Variants in RABGAP1L observed in about 807,000 individuals in gnomAD.
RABGAP1L encodes the protein rab GTPase-activating protein 1-like.
In RABGAP1L, 63 loss-of-function variants were observed where a neutral mutation model predicts 137.7. The ratio of observed to expected loss-of-function variants is 0.46; its 90% CI spans 0.37 to 0.56. The LOEUF (loss-of-function observed/expected upper bound fraction) is 0.56. Among genes scored for constraint, RABGAP1L ranks in the 20% least tolerant of loss-of-function variants. The pLI, the probability that RABGAP1L is intolerant of heterozygous loss-of-function variation, is 0.00. For missense variants in RABGAP1L, 1,095 were observed against 1,244.0 expected (o/e 0.88, Z 1.80); for synonymous variants, 431 against 433.7 (o/e 0.99, Z 0.08).
At chr1:174,808,070 G>A (rs573469683) in intron 18 of RABGAP1L, among the ~76,000 whole-genome samples, 30 of 147,502 alleles carry the variant, frequency 2.0e-4, no homozygotes, top group African/African-American at 7.3e-4. Context: ...TGCAAGCTCC[G>A]CCTCCTGGGT....
chr1:174,500,321 C>T (rs1661143617), intron 13 of RABGAP1L, among the ~76,000 whole-genome samples: 1 of 152,132 alleles, frequency 6.6e-6, no homozygotes, highest in Admixed American at 6.6e-5. Context: ...CTCAGGTAAT[C>T]CACCCTTCTC....
rs1376515212 is a variant in RABGAP1L at position 174,383,145 on chromosome 1, G to T, written c.1560-10850G>T. 3.3e-5 allele frequency among the ~76,000 whole-genome samples: 5 copies of T among 149,920 alleles called. No individual in the cohort carries two copies. The South Asian group carries it at 6.4e-4, about 19-fold the overall frequency. The stretch of plus-strand genomic sequence containing the variant: ...ACCCACTTGAGGAGGCAGTCTGCCC[G>T]TTCTCAGATCTCCAGCTGCGTGCTG... On this transcript the variant is annotated intron_variant, in intron 12 of 25. Coordinates refer to ENST00000681986, the MANE Select transcript of RABGAP1L (RefSeq NM_001366446.1).
intron 12 of RABGAP1L, among the ~76,000 whole-genome samples, chr1:174,378,693 G>A (rs969921267): frequency 1.3e-5 from 2 of 151,906 alleles, no homozygotes; most frequent in African/African-American, 4.8e-5. Context: ...TCAGTCCTTT[G>A]TCAGATGAGT....
intron 19 of RABGAP1L, among the ~76,000 whole-genome samples, chr1:174,881,916 C>A (rs1416067828): frequency 1.3e-5 from 2 of 152,122 alleles, no homozygotes; most frequent in Non-Finnish European, 2.9e-5. Flanking sequence ...GGCTGGAGTG[C>A]AATGGCATGA....
At chr1:174,596,685 T>C (rs977436268) in intron 13 of RABGAP1L, among the ~76,000 whole-genome samples, 5 of 152,212 alleles carry the variant, frequency 3.3e-5, no homozygotes, top group African/African-American at 1.2e-4. Flanking sequence ...ACTTCTTCCA[T>C]TTCAGTTTGG....
intron 13 of RABGAP1L, among the ~76,000 whole-genome samples, chr1:174,605,885 G>A (rs1670755988): frequency 6.6e-6 from 1 of 152,090 alleles, no homozygotes; most frequent in African/African-American, 2.4e-5. Context: ...TTATTTGGGG[G>A]CATTGTCCTC....
intron 13 of RABGAP1L, among the ~76,000 whole-genome samples, chr1:174,574,017 G>A (rs1310286189): frequency 1.3e-5 from 2 of 152,224 alleles, no homozygotes; most frequent in African/African-American, 4.8e-5. Flanking sequence ...CCAGCCTTCA[G>A]TAGTTGAGAA....
intron 11 of RABGAP1L, among the ~76,000 whole-genome samples, chr1:174,362,033 T>C (rs553777974): frequency 1.2e-3 from 183 of 152,340 alleles, no homozygotes; most frequent in African/African-American, 4.2e-3. Context: ...GAACATGCAC[T>C]ATTCAGTTTT....
chr1:174,886,012 A>ATTTT (rs530537282), intron 19 of RABGAP1L, among the ~76,000 whole-genome samples: 1 of 135,896 alleles, frequency 7.4e-6, no homozygotes, highest in Non-Finnish European at 1.6e-5. Context: ...AGAGAAACCA[A>ATTTT]TTTTTTTTTT....
chr1:174,775,486 T>C (rs1686456302), intron 18 of RABGAP1L, among the ~76,000 whole-genome samples: 1 of 152,070 alleles, frequency 6.6e-6, no homozygotes, highest in African/African-American at 2.4e-5. Flanking sequence ...GCTAATTTTG[T>C]GTTTTTAGTA....
At chr1:174,458,123 AC>A (rs768881419) in intron 13 of RABGAP1L, among the ~76,000 whole-genome samples, 8 of 152,208 alleles carry the variant, frequency 5.3e-5, no homozygotes, top group Non-Finnish European at 1.0e-4. Flanking sequence ...TATATGGATA[AC>A]TATAGGGCAA....
At chr1:174,684,691 A>G (rs745786672) in intron 15 of RABGAP1L, among the ~76,000 whole-genome samples, 3 of 152,176 alleles carry the variant, frequency 2.0e-5, no homozygotes, top group Non-Finnish European at 4.4e-5. Context: ...GAAAACATCA[A>G]TATGGCCAGG....
At chr1:174,271,988 A>T (rs991361030) in intron 7 of RABGAP1L, among the ~76,000 whole-genome samples, 12 of 151,892 alleles carry the variant, frequency 7.9e-5, no homozygotes, top group African/African-American at 2.7e-4. Context: ...GTTTGATGCA[A>T]AGAGAGCATA....
At chr1:174,274,886 GTT>G (rs987342342) in intron 8 of RABGAP1L, among the ~76,000 whole-genome samples, 1 of 152,038 alleles carries the variant, frequency 6.6e-6, no homozygotes, top group Non-Finnish European at 1.5e-5. Flanking sequence ...AAAAAGAAAA[GTT>G]TTTCTCTTTG....
chr1:174,303,087 G>C (rs6695636), intron 10 of RABGAP1L, among the ~76,000 whole-genome samples: 87,045 of 151,408 alleles, frequency 0.57, 27,373 homozygotes, highest in African/African-American at 0.85. Flanking sequence ...GCGTTCTTTA[G>C]TGTCACCTCT....
intron 19 of RABGAP1L, chr1:174,892,732 CTTT>C (rs57239363): frequency 7.3e-4 from 283 of 385,952 alleles, no homozygotes; most frequent in Middle Eastern, 1.9e-3. Context: ...TGTTTTCTTT[CTTT>C]TTTTTTTTTT....
chr1:174,596,892 C>G (rs1410930031), intron 13 of RABGAP1L, among the ~76,000 whole-genome samples: 3 of 151,882 alleles, frequency 2.0e-5, no homozygotes, highest in African/African-American at 4.8e-5. Context: ...CTTCTCTATC[C>G]AGTTTTTTTA....
intron 12 of RABGAP1L, among the ~76,000 whole-genome samples, chr1:174,382,907 C>T (rs1686299072): frequency 6.6e-6 from 1 of 151,616 alleles, no homozygotes; most frequent in African/African-American, 2.4e-5. Context: ...TGTTTTTTCC[C>T]CATCTTTGTG....
At chr1:174,625,643 G>A (rs1392168797) in intron 13 of RABGAP1L, among the ~76,000 whole-genome samples, 6 of 152,172 alleles carry the variant, frequency 3.9e-5, no homozygotes, top group African/African-American at 1.4e-4. Flanking sequence ...ACATAATTGA[G>A]CTTGAAGAAT....
Sources: allele counts gnomAD v4.1 joint callset (sites outside exome capture counted in the v4.1 genomes callset), GRCh38; gene constraint gnomAD v4.1.1; transcripts MANE v1.5; gene names NCBI Gene and HGNC (gene_info 2026-07-23, HGNC 2026-07-21).